UPK2: variants seen among roughly 807,000 people sequenced by gnomAD.
The protein encoded by UPK2 is uroplakin 2.
UPK2 carries 19 observed loss-of-function variants against 14.8 expected under a neutral mutation model. That is an observed-to-expected ratio of 1.29 (90% confidence interval 0.90 to 1.89). The LOEUF is 1.89. Ranked by LOEUF, UPK2 falls within the 40% of genes most tolerant of loss-of-function variation. UPK2 has a pLI of 0.00. For missense variants in UPK2, 232 were observed against 236.0 expected (o/e 0.98, Z 0.11); for synonymous variants, 102 against 101.6 (o/e 1.00, Z -0.02).
At chr11:118,957,696 C>T (rs755821043) in intron 4 of UPK2, 28 bp downstream of exon 4, 3 of 1,612,964 alleles carry the variant, frequency 1.9e-6, no homozygotes, top group African/African-American at 2.7e-5. Flanking sequence ...CTCCCTTTCC[C>T]ATCTCAGCGG....
chr11:118,958,458 T>C lies in UPK2; in HGVS notation c.*225T>C, dbSNP rs1941582988. 2 of 519,192 alleles carry C rather than the reference T, an allele frequency of 3.9e-6. No homozygotes were observed. The highest frequency in any genetic ancestry group is 6.8e-6 in the Non-Finnish European group (2 of 292,560). 32.2% of individuals were successfully genotyped at this position (519,192 alleles called of 1,614,324 possible). ...TCCTCTCACCCCACTCCTGTCAGAG[T>C]TGACTTTCCTCCCATTTTACCACTT... On this transcript the variant is annotated 3_prime_UTR_variant, in exon 5 of 5. Transcript: ENST00000264031. The surrounding 1 kb of genome is among the most constrained non-coding windows in gnomAD (Gnocchi z 4.6).
rs748536210 is a variant in UPK2 at position 118,958,213 on chromosome 11, G to T, written c.535G>T (p.Ala179Ser). The change falls in exon 5 of 5, where the codon GCA (alanine) becomes TCA (serine). Residue 179 changes from alanine to serine, a missense_variant. Ala to Ser is a moderately conservative substitution (Grantham distance 99). Coordinates refer to ENST00000264031, the MANE Select transcript of UPK2 (RefSeq NM_006760.4). This position sits in a 1 kb window ranked among gnomAD's most constrained non-coding sequence, Gnocchi z 4.6. ...GGTGCTGGGCTTCATCATTGCCCTG[G>T]CACTGGGCTCCCGCAAGTAAGGAGG... The part of the protein sequence containing the change: ...LLVLGFIIAL[A>S]LGSRK 2 of 1,613,610 alleles carry T rather than the reference G, an allele frequency of 1.2e-6. No individual in the cohort carries two copies. Among genetic ancestry groups the T allele is most frequent in the South Asian group, 2.2e-5 (2 of 91,078 alleles).
Position 118,958,315 on chromosome 11 carries a change from G to T in UPK2, c.*82G>T. On this transcript the variant is annotated 3_prime_UTR_variant, in exon 5 of 5. Transcript: ENST00000264031. This position sits in a 1 kb window ranked among gnomAD's most constrained non-coding sequence, Gnocchi z 4.6. ...CCAGCCCACCTGCTCCCAGGCCCCA[G>T]GCCTGTGGCTCCCTTGGTGCCCTCG... The T allele has an allele frequency of 6.7e-7, 1 of 1,482,446 alleles. No individual in the cohort carries two copies. The allele number at this position is 1,482,446 out of a possible 1,614,324, so 91.8% of individuals were successfully genotyped here.
At position 118,958,087 on chromosome 11, in the gene UPK2, C is replaced by G. The variant is rs573889279; in HGVS notation, c.419-10C>G. The G allele has an allele frequency of 8.7e-6, 14 of 1,609,560 alleles. No individual in the cohort carries two copies. The African/African-American group carries it at 1.6e-4, about 18-fold the overall frequency. ...TCCCGCCCACAGTGGTCTCCCCTCT[C>G]TTTTGACAGGAAGGAACATGGAATC... On this transcript the variant is annotated splice_polypyrimidine_tract_variant and intron_variant, in intron 4 of 4. Coordinates refer to ENST00000264031, the MANE Select transcript of UPK2 (RefSeq NM_006760.4). This position sits in a 1 kb window ranked among gnomAD's most constrained non-coding sequence, Gnocchi z 4.6.
chr11:118,957,239 C>T lies in UPK2; in HGVS notation c.240C>T (p.Cys80=), dbSNP rs773813174. 122 of 1,613,996 alleles carry T rather than the reference C, an allele frequency of 7.6e-5. No individual in the cohort carries two copies. The highest frequency in any genetic ancestry group is 1.0e-4 in the Non-Finnish European group (120 of 1,180,040). Residue 80 remains cysteine, a synonymous_variant, in exon 3 of 5, where the codon TGC becomes TGT. Transcript: ENST00000264031. ...CGTCCAGCTTTGTGGTGCCTCCGTGCCGTGGGCGCAGGGAACTGGTGAGTG... is the reference window on the plus strand; with the variant it reads ...CGTCCAGCTTTGTGGTGCCTCCGTGTCGTGGGCGCAGGGAACTGGTGAGTG... The part of the protein sequence containing the change: ...VVTSSFVVPP[C]RGRRELVSVV...
At position 118,956,993 on chromosome 11, in the gene UPK2, C is replaced by T. The variant is rs142793487; in HGVS notation, c.187C>T (p.Arg63Trp). 47 of 1,613,912 alleles carry T rather than the reference C, an allele frequency of 2.9e-5. No homozygotes were observed. The highest frequency in any genetic ancestry group is 1.1e-4 in the African/African-American group (8 of 75,024). ...AGGAGGCAATGCCACACTGATGGTCCGGAGAGCCAATGACAGCAAAGGTCT... is the reference window on the plus strand; with the variant it reads ...AGGAGGCAATGCCACACTGATGGTCTGGAGAGCCAATGACAGCAAAGGTCT... The part of the protein sequence containing the change: ...LTGGNATLMV[R>W]RANDSKVVTS... Residue 63 changes from arginine (R) to tryptophan (W), a missense_variant, in exon 2 of 5, where the codon CGG becomes TGG. Physicochemically the swap from Arg to Trp is moderately radical, Grantham distance 101. Coordinates refer to ENST00000264031, the MANE Select transcript of UPK2 (RefSeq NM_006760.4). The surrounding 1 kb of genome is among the most constrained non-coding windows in gnomAD (Gnocchi z 4.1).
In UPK2 at chr11:118,958,017, C is replaced by T; in HGVS notation, c.419-80C>T. 2 of 1,529,544 alleles carry T rather than the reference C, an allele frequency of 1.3e-6. No individual in the cohort carries two copies. Among genetic ancestry groups the T allele is most frequent in the Non-Finnish European group, 1.8e-6 (2 of 1,135,822 alleles). The allele number at this position is 1,529,544 out of a possible 1,614,324, so 94.7% of individuals were successfully genotyped here. A position where few individuals can be genotyped will look rare whatever the true frequency, so the allele number is the denominator to read the frequency against. On this transcript the variant is annotated intron_variant, in intron 4 of 4. Coordinates refer to ENST00000264031, the MANE Select transcript of UPK2 (RefSeq NM_006760.4). The surrounding 1 kb of genome is among the most constrained non-coding windows in gnomAD (Gnocchi z 4.6). The stretch of plus-strand genomic sequence containing the variant: ...GCTGGTTGGTTGGGCAGTCTGTTGG[C>T]TGGATGAGTGTGAGGCCGTGAGCCT...
At position 118,958,372 on chromosome 11, in the gene UPK2, C is replaced by G; in HGVS notation, c.*139C>G. On this transcript the variant is annotated 3_prime_UTR_variant, in exon 5 of 5. Transcript: ENST00000264031. This position sits in a 1 kb window ranked among gnomAD's most constrained non-coding sequence, Gnocchi z 4.6. Reference sequence around the variant, plus strand: ...CCTCCTGCCCTCCTCTCCCCTAGAGCCCTCTCCTCCCTCTGTCCCTCTCCT... The same window carrying G: ...CCTCCTGCCCTCCTCTCCCCTAGAGGCCTCTCCTCCCTCTGTCCCTCTCCT... 2.2e-6 allele frequency: 2 copies of G among 928,662 alleles called. No homozygotes were observed. Among genetic ancestry groups the G allele is most frequent in the Non-Finnish European group, 3.1e-6 (2 of 638,218 alleles). The allele number at this position is 928,662 out of a possible 1,614,324, so 57.5% of individuals were successfully genotyped here.
In UPK2 at chr11:118,956,765, T is replaced by G; in HGVS notation, c.77-118T>G. The G allele has an allele frequency of 7.1e-7, 1 of 1,403,984 alleles. No homozygotes were observed. The highest frequency in any genetic ancestry group is 1.3e-5 in the South Asian group (1 of 75,706). 87.0% of individuals were successfully genotyped at this position (1,403,984 alleles called of 1,614,324 possible). On this transcript the variant is annotated intron_variant, in intron 1 of 4. Coordinates refer to ENST00000264031, the MANE Select transcript of UPK2 (RefSeq NM_006760.4). The surrounding 1 kb of genome is among the most constrained non-coding windows in gnomAD (Gnocchi z 4.1). ...CCTGGTGGTCATACTGGCACAGGCC[T>G]GGCTGTTCTGCCCAGGGTTCACAGA...
rs753874603 is a variant in UPK2 at position 118,958,104 on chromosome 11, C to G, written c.426C>G (p.Asn142Lys). The stretch of plus-strand genomic sequence containing the variant: ...TCCCCTCTCTTTTGACAGGAAGGAA[C>G]ATGGAATCCATTGGGCTGGGTATGG... ...EIPMSTLPRR[N>K]MESIGLGMAR... Residue 142 changes from asparagine (N) to lysine (K), a missense_variant, in exon 5 of 5, where the codon AAC becomes AAG. By Grantham distance (94) the Asn-to-Lys change is moderately conservative. Coordinates refer to ENST00000264031, the MANE Select transcript of UPK2 (RefSeq NM_006760.4). This position sits in a 1 kb window ranked among gnomAD's most constrained non-coding sequence, Gnocchi z 4.6. 7 of 1,612,406 alleles carry G rather than the reference C, an allele frequency of 4.3e-6. No homozygotes were observed. Among genetic ancestry groups the G allele is most frequent in the Non-Finnish European group, 5.1e-6 (6 of 1,178,832 alleles).
rs1355768805 is a variant in UPK2, at chr11:118,957,594, A to G, written c.348-4A>G. 1.9e-6 allele frequency: 3 copies of G among 1,614,038 alleles called. No individual in the cohort carries two copies. The highest frequency in any genetic ancestry group is 2.2e-5 in the East Asian group (1 of 44,898). On this transcript the variant is annotated splice_region_variant and splice_polypyrimidine_tract_variant and intron_variant, in intron 3 of 4. Coordinates refer to ENST00000264031, the MANE Select transcript of UPK2 (RefSeq NM_006760.4). ...GTTCTCTACTCTCTCCCAAACCACA[A>G]AAGCATTTCCTACCTAGTGAAGAAG... is the stretch of plus-strand genomic sequence containing the variant.
At chr11:118,957,715 G>C (rs745306956) in intron 4 of UPK2, 47 bp downstream of exon 4, 4 of 1,607,246 alleles carry the variant, frequency 2.5e-6, no homozygotes, top group Non-Finnish European at 3.4e-6. Flanking sequence ...GGCCACAAAC[G>C]CTTCCCTGAC....
Position 118,956,308 on chromosome 11 carries a change from G to GGGGTGCCT in UPK2, c.-42_-41insGGTGCCTG. On this transcript the variant is annotated 5_prime_UTR_variant, in exon 1 of 5. Coordinates refer to ENST00000264031, the MANE Select transcript of UPK2 (RefSeq NM_006760.4). The surrounding 1 kb of genome is among the most constrained non-coding windows in gnomAD (Gnocchi z 4.1). ...CAGGGGCAGGGCCTCACTTGCCTCA[G>GGGGTGCCT]GAACCCCAGCCTGCCAGCACCTATT... 1 of 1,586,528 alleles carries GGGGTGCCT rather than the reference G, an allele frequency of 6.3e-7. No homozygotes were observed. Among genetic ancestry groups the GGGGTGCCT allele is most frequent in the Non-Finnish European group, 8.6e-7 (1 of 1,159,690 alleles).
At position 118,958,365 on chromosome 11, in the gene UPK2, C is replaced by T. The variant is rs960046748; in HGVS notation, c.*132C>T. 5.7e-6 allele frequency: 6 copies of T among 1,048,634 alleles called. No individual in the cohort carries two copies. Among genetic ancestry groups the T allele is most frequent in the Non-Finnish European group, 8.1e-6 (6 of 745,328 alleles). The allele number at this position is 1,048,634 out of a possible 1,614,324, so 65.0% of individuals were successfully genotyped here. ...GCCTCCTCCTCCTGCCCTCCTCTCC[C>T]CTAGAGCCCTCTCCTCCCTCTGTCC... On this transcript the variant is annotated 3_prime_UTR_variant, in exon 5 of 5. Coordinates refer to ENST00000264031, the MANE Select transcript of UPK2 (RefSeq NM_006760.4). This position sits in a 1 kb window ranked among gnomAD's most constrained non-coding sequence, Gnocchi z 4.6.
rs375321604 is a variant in UPK2 at position 118,956,929 on chromosome 11, G to T, written c.123G>T (p.Thr41=). Residue 41 remains threonine, a synonymous_variant, in exon 2 of 5, where the codon ACG becomes ACT. Coordinates refer to ENST00000264031, the MANE Select transcript of UPK2 (RefSeq NM_006760.4). This position sits in a 1 kb window ranked among gnomAD's most constrained non-coding sequence, Gnocchi z 4.1. ...CTGGTCTGCTGTCCCCGGCGCTAAC[G>T]GAGAGCCTGCTGGTTGCCTTGCCCC... ...SLSGLLSPAL[T]ESLLVALPPC... 1.2e-6 allele frequency: 2 copies of T among 1,613,984 alleles called. No homozygotes were observed. Among genetic ancestry groups the T allele is most frequent in the African/African-American group, 2.7e-5 (2 of 74,908 alleles).
Position 118,958,003 on chromosome 11 carries a change from G to T in UPK2, c.419-94G>T. The T allele has an allele frequency of 6.6e-7, 1 of 1,511,240 alleles. No individual in the cohort carries two copies. The allele number at this position is 1,511,240 out of a possible 1,614,324, so 93.6% of individuals were successfully genotyped here. ...TGGCTGGCTGGCTGGCTGGTTGGTT[G>T]GGCAGTCTGTTGGCTGGATGAGTGT... On this transcript the variant is annotated intron_variant, in intron 4 of 4. Transcript: ENST00000264031. The surrounding 1 kb of genome is among the most constrained non-coding windows in gnomAD (Gnocchi z 4.6).
chr11:118,958,359 C>T lies in UPK2; in HGVS notation c.*126C>T, dbSNP rs933233852. The stretch of plus-strand genomic sequence containing the variant: ...GCCCTCGCCTCCTCCTCCTGCCCTC[C>T]TCTCCCCTAGAGCCCTCTCCTCCCT... On this transcript the variant is annotated 3_prime_UTR_variant, in exon 5 of 5. Transcript: ENST00000264031. This position sits in a 1 kb window ranked among gnomAD's most constrained non-coding sequence, Gnocchi z 4.6. The T allele has an allele frequency of 1.5e-5, 17 of 1,143,950 alleles. No homozygotes were observed. Among genetic ancestry groups the T allele is most frequent in the Non-Finnish European group, 1.8e-5 (15 of 827,124 alleles). 70.9% of individuals were successfully genotyped at this position (1,143,950 alleles called of 1,614,324 possible).
rs757756064 is a variant in UPK2, at chr11:118,956,305, TCAGGAA to T, written c.-44_-39del. On this transcript the variant is annotated 5_prime_UTR_variant, in exon 1 of 5. Coordinates refer to ENST00000264031, the MANE Select transcript of UPK2 (RefSeq NM_006760.4). The surrounding 1 kb of genome is among the most constrained non-coding windows in gnomAD (Gnocchi z 4.1). The stretch of plus-strand genomic sequence containing the variant: ...CCCCAGGGGCAGGGCCTCACTTGCC[TCAGGAA>T]CCCCAGCCTGCCAGCACCTATTCCA... 2 of 1,575,070 alleles carry T rather than the reference TCAGGAA, an allele frequency of 1.3e-6. No homozygotes were observed. The highest frequency in any genetic ancestry group is 1.7e-6 in the Non-Finnish European group (2 of 1,149,502).
Position 118,958,399 on chromosome 11 carries a change from G to A in UPK2, c.*166G>A. 1.4e-6 allele frequency: 1 copy of A among 707,230 alleles called. No individual in the cohort carries two copies. Among genetic ancestry groups the A allele is most frequent in the East Asian group, 2.8e-5 (1 of 36,264 alleles). 43.8% of individuals were successfully genotyped at this position (707,230 alleles called of 1,614,324 possible). A position where few individuals can be genotyped will look rare whatever the true frequency, so the allele number is the denominator to read the frequency against. On this transcript the variant is annotated 3_prime_UTR_variant, in exon 5 of 5. Coordinates refer to ENST00000264031, the MANE Select transcript of UPK2 (RefSeq NM_006760.4). This position sits in a 1 kb window ranked among gnomAD's most constrained non-coding sequence, Gnocchi z 4.6. ...CTCTCCTCCCTCTGTCCCTCTCCTT[G>A]CCCCCAGTGCCTCACCTTCCAACAC...
Sources: gnomAD v4.1 joint callset for allele counts on GRCh38, gnomAD v4.1.1 for gene constraint, Gnocchi (gnomAD v3.1) non-coding constraint, MANE v1.5 for transcripts, NCBI Gene and HGNC (gene_info 2026-07-23, HGNC 2026-07-21) for gene names.